ENOSF1: variants seen among roughly 807,000 people sequenced by gnomAD.
The protein encoded by ENOSF1 is mitochondrial enolase superfamily member 1.
In ENOSF1, 73 loss-of-function variants were observed where a neutral mutation model predicts 68.2. That is an observed-to-expected ratio of 1.07 (90% CI 0.89 to 1.30). ENOSF1 has a LOEUF of 1.30. Ranked by LOEUF, ENOSF1 falls within the 50% of genes most tolerant of loss-of-function variation. The probability of loss-of-function intolerance (pLI) is 0.00; values close to 1 mark genes in which losing one functional copy is unlikely to be tolerated. For missense variants in ENOSF1, 589 were observed against 554.5 expected (o/e 1.06, Z -0.62); for synonymous variants, 223 against 210.4 (o/e 1.06, Z -0.52).
chr18:706,379 T>C, intron 2 of ENOSF1, 91 bp downstream of exon 2: 1 of 890,344 alleles, frequency 1.1e-6, no homozygotes, highest in Admixed American at 1.8e-5. Flanking sequence ...GAACTCAATC[T>C]AAATCAAGAT....
At chr18:704,035 G>A (rs553224765) in intron 2 of ENOSF1, among the ~76,000 whole-genome samples, 3 of 152,258 alleles carry the variant, frequency 2.0e-5, no homozygotes, top group African/African-American at 4.8e-5. Context: ...CCTAGAAGCT[G>A]AGTAGCTGGC....
rs1232635165 is a variant in ENOSF1, at chr18:673,714, T to TG, written c.*590_*591insC. 1.6e-5 allele frequency: 1 copy of TG among 61,480 alleles called. No individual in the cohort carries two copies. Among genetic ancestry groups the TG allele is most frequent in the Non-Finnish European group, 2.8e-5 (1 of 35,438 alleles). 3.8% of individuals were successfully genotyped at this position (61,480 alleles called of 1,614,324 possible). A position where few individuals can be genotyped will look rare whatever the true frequency, so the allele number is the denominator to read the frequency against. On this transcript the variant is annotated 3_prime_UTR_variant, in exon 16 of 16. Coordinates refer to ENST00000647584, the MANE Select transcript of ENOSF1 (RefSeq NM_017512.7). The stretch of plus-strand genomic sequence containing the variant: ...ATAATGACCATTTAGGATAGAGTTT[T>TG]TTTTTTTTTTTTTTAAACTTTTATA...
chr18:669,355 G>C (rs1245648332), downstream of ENOSF1: 1 of 476,498 alleles, frequency 2.1e-6, no homozygotes. Flanking sequence ...TCATGAGGTT[G>C]GGCCCAGAGG....
intron 10 of ENOSF1, among the ~76,000 whole-genome samples, chr18:685,696 A>G (rs1308681250): frequency 2.0e-5 from 3 of 152,158 alleles, no homozygotes; most frequent in South Asian, 2.1e-4. Flanking sequence ...GTAAGAAAGG[A>G]TCCTTAACCC....
intron 8 of ENOSF1, among the ~76,000 whole-genome samples, chr18:689,613 T>C (rs947864687): frequency 2.0e-5 from 3 of 152,140 alleles, no homozygotes; most frequent in Non-Finnish European, 4.4e-5. Flanking sequence ...CAGGAAAGTA[T>C]TAAATTTCTC....
At chr18:700,192 C>T (rs192473149) in intron 2 of ENOSF1, among the ~76,000 whole-genome samples, 115 of 152,314 alleles carry the variant, frequency 7.6e-4, no homozygotes, top group African/African-American at 2.7e-3. Flanking sequence ...TAGGGCTGAA[C>T]CAGCCATTCC....
Position 706,815 on chromosome 18 carries a change from A to ATATATT in ENOSF1, c.85-238_85-237insAATATA, listed in dbSNP as rs760562263. 1,289 of 131,006 alleles carry ATATATT rather than the reference A, an allele frequency of 9.8e-3. 31 individuals carry two copies. In the East Asian group the frequency reaches 0.1, roughly 10 times the overall value. The allele number at this position is 131,006 out of a possible 1,614,324, so 8.1% of individuals were successfully genotyped here. On this transcript the variant is annotated intron_variant, in intron 1 of 15. Transcript: ENST00000647584. ...GAGCAATGTATGTATATATATATAT[A>ATATATT]TTTTTTTTTTTTTTCTTTTTTGAGA... is the stretch of plus-strand genomic sequence containing the variant.
downstream of ENOSF1, among the ~76,000 whole-genome samples, chr18:669,674 C>T (rs1374838349): frequency 2.0e-5 from 3 of 152,022 alleles, no homozygotes; most frequent in Non-Finnish European, 4.4e-5. Flanking sequence ...CATTCTTACA[C>T]CAAAAAGGGT....
In ENOSF1 at chr18:670,526, G is replaced by A. The variant is rs974870664; in HGVS notation, c.*3779C>T. 73 of 665,418 alleles carry A rather than the reference G, an allele frequency of 1.1e-4. 1 individual carries two copies. In the South Asian group the frequency reaches 1.3e-3, roughly 12 times the overall value. 41.2% of individuals were successfully genotyped at this position (665,418 alleles called of 1,614,324 possible). ...CCGATGGATAGTCTCCCTCAGCTCC[G>A]TGCCATCGCTGCAGAGGCTGTTATG... On this transcript the variant is annotated 3_prime_UTR_variant, in exon 16 of 16. Transcript: ENST00000647584.
chr18:708,450 T>C (rs926793676), intron 1 of ENOSF1, among the ~76,000 whole-genome samples: 1 of 152,110 alleles, frequency 6.6e-6, no homozygotes, highest in African/African-American at 2.4e-5. Flanking sequence ...ACAGGAGGAT[T>C]GTTTGAGCCC....
downstream of ENOSF1, among the ~76,000 whole-genome samples, chr18:667,553 A>AGATGGTGATGGT (rs1327773362): frequency 2.7e-4 from 5 of 18,596 alleles, no homozygotes; most frequent in African/African-American, 5.4e-4. Context: ...ATGGTGATGG[A>AGATGGTGATGGT]GATGGTGATG....
chr18:677,009 T>C (rs2075583164), intron 14 of ENOSF1, among the ~76,000 whole-genome samples: 1 of 152,212 alleles, frequency 6.6e-6, no homozygotes, highest in Admixed American at 6.5e-5. Flanking sequence ...GTCTAGACCA[T>C]GGAAGACTCC....
chr18:706,213 AGACTAACAGCCAAGGAT>A (rs1290250493), intron 2 of ENOSF1, among the ~76,000 whole-genome samples: 1 of 152,122 alleles, frequency 6.6e-6, no homozygotes, highest in East Asian at 1.9e-4. Context: ...ACAGAGAAAC[AGACTAACAGCCAAGGAT>A]TTTCTAACAG....
Position 670,858 on chromosome 18 carries a change from G to A in ENOSF1, c.*3447C>T, listed in dbSNP as rs371907652. 3.3e-5 allele frequency: 53 copies of A among 1,613,856 alleles called. No homozygotes were observed. The highest frequency in any genetic ancestry group is 1.8e-4 in the East Asian group (8 of 44,890). On this transcript the variant is annotated 3_prime_UTR_variant, in exon 16 of 16. Transcript: ENST00000647584. ...TCACGTACATGATTGCGCACATCAC[G>A]GGCCTGAAGGTGGGCTGTCTCGGGA...
intron 2 of ENOSF1, among the ~76,000 whole-genome samples, chr18:702,868 T>C (rs1453611218): frequency 1.3e-5 from 2 of 152,220 alleles, no homozygotes; most frequent in Non-Finnish European, 2.9e-5. Context: ...GTATATTCTA[T>C]ACATTTGAAA....
chr18:678,238 CAG>C lies in ENOSF1; in HGVS notation c.919-368_919-367del, dbSNP rs528207836. The C allele has an allele frequency of 1.3e-3, 389 of 294,398 alleles. 3 individuals are homozygous for C. Among genetic ancestry groups the C allele is most frequent in the African/African-American group, 7.9e-3 (360 of 45,512 alleles). 18.2% of individuals were successfully genotyped at this position (294,398 alleles called of 1,614,324 possible). The stretch of plus-strand genomic sequence containing the variant: ...CACAGATGACAACACGGAACCACGG[CAG>C]AGCAGTATTGCTCCTTTTGCCGGGA... On this transcript the variant is annotated intron_variant, in intron 12 of 15. Coordinates refer to ENST00000647584, the MANE Select transcript of ENOSF1 (RefSeq NM_017512.7).
intron 2 of ENOSF1, among the ~76,000 whole-genome samples, chr18:697,910 C>T (rs1298329173): frequency 2.0e-5 from 3 of 152,202 alleles, no homozygotes; most frequent in African/African-American, 7.2e-5. Flanking sequence ...CCTCCCACCT[C>T]AGCTTCTCGA....
intron 14 of ENOSF1, 63 bp from the exon 15 acceptor site, chr18:675,465 A>G: frequency 7.1e-7 from 1 of 1,408,476 alleles, no homozygotes; most frequent in Non-Finnish European, 9.9e-7. Context: ...CGTGGTGCTA[A>G]CTTAAAGCAG....
intron 11 of ENOSF1, among the ~76,000 whole-genome samples, chr18:680,552 C>T: frequency 6.6e-6 from 1 of 152,082 alleles, no homozygotes; most frequent in East Asian, 1.9e-4. Context: ...AGCCTCCTCG[C>T]TCCCATCCCT....
Sources: gnomAD v4.1 joint callset for allele counts (sites outside exome capture counted in the v4.1 genomes callset) on GRCh38, gnomAD v4.1.1 for gene constraint, MANE v1.5 for transcripts, NCBI Gene and HGNC (gene_info 2026-07-23, HGNC 2026-07-21) for gene names.